PUM1: variants seen among roughly 807,000 people sequenced by gnomAD.
The protein encoded by PUM1 is pumilio homolog 1.
Under a neutral mutation model 131.8 loss-of-function variants are expected in PUM1, and 13 were observed. The observed-to-expected ratio is 0.10, with a 90% CI of 0.06 to 0.16. The LOEUF is 0.16. PUM1 is among the 10% of genes least tolerant of loss of function. The pLI is 1.00. For synonymous variants in PUM1, 509 were observed against 556.5 expected, an observed-to-expected ratio of 0.91 and a Z score of 1.20; for missense variants, 961 against 1,512.4, an observed-to-expected ratio of 0.64 and a Z score of 6.05.
At position 30,953,884 on chromosome 1, in the gene PUM1, C is replaced by A; in HGVS notation, c.2421G>T (p.Pro807=). ...SASSASSLFS[P]SSTLFSSSRL... ...GAGAGGAAGAGAAAAGAGTGCTGCT[C>A]GGGCTGAAGAGGCTGGAGGCGCTGC... is the stretch of plus-strand genomic sequence containing the variant. Residue 807 remains proline, a synonymous_variant, in exon 15 of 22, where the codon CCG becomes CCT. Coordinates refer to ENST00000426105, the MANE Select transcript of PUM1 (RefSeq NM_001020658.2). 1 of 1,614,192 alleles carries A rather than the reference C, an allele frequency of 6.2e-7. No individual in the cohort carries two copies. Among genetic ancestry groups the A allele is most frequent in the Non-Finnish European group, 8.5e-7 (1 of 1,180,036 alleles).
rs574218553 is a variant in PUM1 at position 30,955,090 on chromosome 1, C to A, written c.2324-1109G>T. ...TCTCCAAAAAAAACAAACAAACAAA[C>A]AAAAAAAAACAAAAACAAACAAACA... On this transcript the variant is annotated intron_variant, in intron 14 of 21. Transcript: ENST00000426105. Among the ~76,000 whole-genome samples, 567 of 147,338 alleles carry A rather than the reference C, an allele frequency of 3.8e-3. 2 individuals carry two copies. The highest frequency in any genetic ancestry group is 6.6e-3 in the Admixed American group (97 of 14,702).
In PUM1 at chr1:31,035,716, ACTCC is replaced by A. The variant is rs995328358; in HGVS notation, c.364-6856_364-6853del. Among the ~76,000 whole-genome samples the A allele has an allele frequency of 9.9e-5, 15 of 152,156 alleles. No individual in the cohort carries two copies. In the East Asian group the frequency reaches 1.7e-3, roughly 18 times the overall value. On this transcript the variant is annotated intron_variant, in intron 2 of 21. Transcript: ENST00000426105. ...CAGTGAACCGAGATAGCGCCACTGCACTCCTGCCTGGGCAACGAGAGTGAAACTC... is the reference window on the plus strand; with the variant it reads ...CAGTGAACCGAGATAGCGCCACTGCATGCCTGGGCAACGAGAGTGAAACTC...
chr1:30,963,572 A>G lies in PUM1; in HGVS notation c.2323+1102T>C, dbSNP rs575543746. Reference sequence around the variant, plus strand: ...CTAGGTCTAGAATAATAAGTCTATTACCCTACCCACTTCAGACTTCTCTTG... The same window carrying G: ...CTAGGTCTAGAATAATAAGTCTATTGCCCTACCCACTTCAGACTTCTCTTG... On this transcript the variant is annotated intron_variant, in intron 14 of 21. Transcript: ENST00000426105. 5.9e-5 allele frequency among the ~76,000 whole-genome samples: 9 copies of G among 152,140 alleles called. No individual in the cohort carries two copies. The South Asian group carries it at 1.7e-3, about 28-fold the overall frequency.
intron 2 of PUM1, among the ~76,000 whole-genome samples, chr1:31,040,865 G>A (rs866947733): frequency 4.6e-5 from 7 of 151,992 alleles, no homozygotes; most frequent in Non-Finnish European, 1.0e-4. Flanking sequence ...GAAAGAAAAC[G>A]CACACACACA....
intron 2 of PUM1, among the ~76,000 whole-genome samples, chr1:31,041,381 A>G (rs77550800): frequency 0.026 from 3,867 of 151,136 alleles, 155 homozygotes; most frequent in African/African-American, 0.086. Context: ...CCAGTCAAAA[A>G]GTAAATTTTT....
chr1:31,024,694 A>T (rs988626058), intron 3 of PUM1, among the ~76,000 whole-genome samples: 6 of 152,232 alleles, frequency 3.9e-5, no homozygotes, highest in African/African-American at 1.4e-4. Context: ...TTTAAAAGTT[A>T]AAAAACCAAT....
chr1:31,054,535 TAAAAAA>T lies in PUM1; in HGVS notation c.363+4663_363+4668del, dbSNP rs555867693. ...TTGTTCCATTATGCCAAAGGGCCACTAAAAAAAAAAAAAAAAAAAAAAAGGCCCAGT... is the reference window on the plus strand; with the variant it reads ...TTGTTCCATTATGCCAAAGGGCCACTAAAAAAAAAAAAAAAAAGGCCCAGT... On this transcript the variant is annotated intron_variant, in intron 2 of 21. Transcript: ENST00000426105. 2.2e-4 allele frequency among the ~76,000 whole-genome samples: 18 copies of T among 83,406 alleles called. No homozygotes were observed. The East Asian group carries it at 5.5e-3, about 25-fold the overall frequency. 54.7% of individuals were successfully genotyped at this position (83,406 alleles called of 152,430 possible). A position where few individuals can be genotyped will look rare whatever the true frequency, so the allele number is the denominator to read the frequency against.
chr1:30,946,970 C>T (rs775566120), intron 17 of PUM1, among the ~76,000 whole-genome samples: 1 of 152,128 alleles, frequency 6.6e-6, no homozygotes, highest in Admixed American at 6.5e-5. Context: ...ATTATGATAA[C>T]TCTGTAAAGT....
chr1:30,940,980 A>C (rs988086405), intron 20 of PUM1, among the ~76,000 whole-genome samples, 171 bp downstream of exon 20: 5 of 152,234 alleles, frequency 3.3e-5, no homozygotes, highest in African/African-American at 1.2e-4. Context: ...TAAGAAGCCC[A>C]CTAAGGGACC....
chr1:31,061,336 G>A (rs1386463718), intron 1 of PUM1, among the ~76,000 whole-genome samples: 8 of 152,128 alleles, frequency 5.3e-5, no homozygotes, highest in Admixed American at 5.2e-4. Flanking sequence ...GGCCAATGGA[G>A]GTTGGGCACG....
intron 1 of PUM1, among the ~76,000 whole-genome samples, chr1:31,063,261 G>C (rs1279862550): frequency 6.6e-6 from 1 of 152,064 alleles, no homozygotes; most frequent in Non-Finnish European, 1.5e-5. Context: ...GAAAATGAAA[G>C]AAATCCTTCC....
intron 20 of PUM1, among the ~76,000 whole-genome samples, chr1:30,937,973 T>A (rs999282741): frequency 2.0e-5 from 3 of 152,084 alleles, no homozygotes; most frequent in Admixed American, 2.0e-4. Flanking sequence ...GGTTTCACCA[T>A]GTTGGTCAGG....
At chr1:31,064,928 T>G (rs1257934600) in intron 1 of PUM1, among the ~76,000 whole-genome samples, 4 of 151,702 alleles carry the variant, frequency 2.6e-5, no homozygotes, top group Non-Finnish European at 5.9e-5. Flanking sequence ...TAGCAAGGGG[T>G]GAACCCCTCT....
At chr1:31,001,651 CAAAG>C (rs1399483960) in intron 5 of PUM1, among the ~76,000 whole-genome samples, 2 of 152,108 alleles carry the variant, frequency 1.3e-5, no homozygotes, top group African/African-American at 4.8e-5. Context: ...AAGGACTAAA[CAAAG>C]AAATTCATGA....
intron 10 of PUM1, among the ~76,000 whole-genome samples, chr1:30,974,227 C>T (rs191645480): frequency 2.4e-4 from 37 of 152,316 alleles, no homozygotes; most frequent in African/African-American, 7.0e-4. Flanking sequence ...TTAAGATTTA[C>T]ATCCAATCCA....
chr1:31,038,984 A>ATATTT lies in PUM1; in HGVS notation c.364-10121_364-10120insAAATA. On this transcript the variant is annotated intron_variant, in intron 2 of 21. Transcript: ENST00000426105. ...TATATATATATATATATATATATAT[A>ATATTT]TTTTTTTTTTTTTTTTCCTTTTCTC... Among the ~76,000 whole-genome samples, 21 of 49,416 alleles carry ATATTT rather than the reference A, an allele frequency of 4.2e-4. 1 individual carries two copies. The highest frequency in any genetic ancestry group is 3.7e-3 in the African/African-American group (18 of 4,832). The allele number at this position is 49,416 out of a possible 152,430, so 32.4% of individuals were successfully genotyped here. A position where few individuals can be genotyped will look rare whatever the true frequency, so the allele number is the denominator to read the frequency against.
chr1:30,948,907 C>T (rs1639806093), intron 17 of PUM1, among the ~76,000 whole-genome samples: 1 of 152,192 alleles, frequency 6.6e-6, no homozygotes, highest in South Asian at 2.1e-4. Flanking sequence ...CTTATTAATG[C>T]TACATCTCTA....
In PUM1 at chr1:30,941,148, T is replaced by A. The variant is rs1287346310; in HGVS notation, c.3242+3A>T. The A allele has an allele frequency of 1.2e-6, 2 of 1,612,754 alleles. No homozygotes were observed. Among genetic ancestry groups the A allele is most frequent in the Non-Finnish European group, 8.5e-7 (1 of 1,179,308 alleles). On this transcript the variant is annotated splice_donor_region_variant and intron_variant, in intron 20 of 21. Coordinates refer to ENST00000426105, the MANE Select transcript of PUM1 (RefSeq NM_001020658.2). ...AATAGTCCTTGTAACTCAAAGCACG[T>A]ACCTTGCAAATTTGTGCTGACTCAA... is the stretch of plus-strand genomic sequence containing the variant.
intron 20 of PUM1, among the ~76,000 whole-genome samples, chr1:30,938,957 A>G (rs1158277881): frequency 2.0e-5 from 3 of 150,144 alleles, no homozygotes; most frequent in African/African-American, 7.3e-5. Context: ...ATAGACAGAT[A>G]GACAGATACA....
Sources: gnomAD v4.1 joint callset for allele counts (sites outside exome capture counted in the v4.1 genomes callset) on GRCh38, gnomAD v4.1.1 for gene constraint, MANE v1.5 for transcripts, NCBI Gene and HGNC (gene_info 2026-07-23, HGNC 2026-07-21) for gene names.